The following SLC39A11 variants were observed in gnomAD, a reference collection of about 807,000 sequenced individuals.
SLC39A11 encodes the protein solute carrier family 39 member 11, also known as zinc transporter ZIP11.
A neutral mutation model predicts 36.1 loss-of-function variants in SLC39A11; 33 were observed. That is an observed-to-expected ratio of 0.91 (90% confidence interval 0.69 to 1.22). The LOEUF (loss-of-function observed/expected upper bound fraction) is 1.22. SLC39A11 is among the 50% of genes most tolerant of loss of function. SLC39A11 has a pLI of 0.00. For missense variants in SLC39A11, 432 were observed against 430.3 expected (o/e 1.00, Z -0.03); for synonymous variants, 166 against 170.3 (o/e 0.97, Z 0.20).
intron 6 of SLC39A11, among the ~76,000 whole-genome samples, chr17:72,803,412 G>C (rs139083245): frequency 2.0e-3 from 307 of 152,360 alleles, no homozygotes; most frequent in African/African-American, 6.9e-3. Flanking sequence ...ATCTGCACGT[G>C]GTTCAAAGGC....
chr17:73,081,669 A>ATATGTATATATGTATG (rs1331925940), intron 3 of SLC39A11, among the ~76,000 whole-genome samples: 1 of 80,756 alleles, frequency 1.2e-5, no homozygotes, highest in African/African-American at 4.8e-5. Flanking sequence ...ACACACACAC[A>ATATGTATATATGTATG]CATATATATA....
At chr17:72,764,616 G>A (rs367902598) in intron 6 of SLC39A11, among the ~76,000 whole-genome samples, 34 of 152,202 alleles carry the variant, frequency 2.2e-4, no homozygotes, top group East Asian at 1.7e-3. Context: ...ACAGCCCACC[G>A]ATGGCTGTGG....
intron 5 of SLC39A11, among the ~76,000 whole-genome samples, chr17:72,854,459 T>C (rs1246123301): frequency 6.6e-6 from 1 of 152,122 alleles, no homozygotes; most frequent in Non-Finnish European, 1.5e-5. Flanking sequence ...AGAAATCTCG[T>C]ATCTATAATC....
In SLC39A11 at chr17:72,864,570, T is replaced by C. The variant is rs1323888302; in HGVS notation, c.431-14766A>G. ...CGATTCTGAACACCATAGATACACA[T>C]GGAAAACGTGTCTTGGGGTCGATCC... is the stretch of plus-strand genomic sequence containing the variant. On this transcript the variant is annotated intron_variant, in intron 5 of 9. Coordinates refer to ENST00000255559, the MANE Select transcript of SLC39A11 (RefSeq NM_139177.4). Among the ~76,000 whole-genome samples the C allele has an allele frequency of 2.0e-5, 3 of 152,248 alleles. No homozygotes were observed. The East Asian group carries it at 5.8e-4, about 29-fold the overall frequency.
intron 5 of SLC39A11, among the ~76,000 whole-genome samples, chr17:72,868,374 C>A (rs1241926284): frequency 6.6e-6 from 1 of 151,910 alleles, no homozygotes; most frequent in Non-Finnish European, 1.5e-5. Flanking sequence ...AATATTCAAA[C>A]CAGAGGAATG....
intron 7 of SLC39A11, among the ~76,000 whole-genome samples, chr17:72,731,845 G>C: frequency 6.6e-6 from 1 of 151,178 alleles, no homozygotes; most frequent in Non-Finnish European, 1.5e-5. Context: ...TCCTGCCTCA[G>C]CTCCTGAGTA....
intron 5 of SLC39A11, among the ~76,000 whole-genome samples, chr17:72,937,345 C>T (rs960167967): frequency 2.6e-5 from 4 of 152,182 alleles, no homozygotes; most frequent in Non-Finnish European, 5.9e-5. Context: ...ATCCCAGCTA[C>T]TCCGGAGACT....
At chr17:73,027,909 C>A (rs2058612925) in intron 4 of SLC39A11, among the ~76,000 whole-genome samples, 1 of 152,210 alleles carries the variant, frequency 6.6e-6, no homozygotes, top group Non-Finnish European at 1.5e-5. Context: ...ATAACACAGA[C>A]ACTGACCCAC....
chr17:72,863,043 T>G (rs779482685), intron 5 of SLC39A11, among the ~76,000 whole-genome samples: 2 of 152,174 alleles, frequency 1.3e-5, no homozygotes, highest in Non-Finnish European at 2.9e-5. Context: ...CAGGCAGGGC[T>G]TGGGAGTCTG....
chr17:73,021,331 A>T (rs945639499), intron 4 of SLC39A11, among the ~76,000 whole-genome samples: 1 of 150,442 alleles, frequency 6.6e-6, no homozygotes, highest in Non-Finnish European at 1.5e-5. Flanking sequence ...CAGTTCCCTT[A>T]CTCTTTCTTT....
intron 5 of SLC39A11, among the ~76,000 whole-genome samples, chr17:72,929,902 T>C (rs1354783657): frequency 2.6e-5 from 4 of 152,166 alleles, no homozygotes; most frequent in Non-Finnish European, 4.4e-5. Context: ...GGAAAGACAA[T>C]GTGTTTGTCT....
chr17:72,792,246 C>A (rs2076733253), intron 6 of SLC39A11, among the ~76,000 whole-genome samples: 1 of 152,238 alleles, frequency 6.6e-6, no homozygotes, highest in African/African-American at 2.4e-5. Context: ...CCAGAAGGGG[C>A]TGTGCAAGGC....
intron 5 of SLC39A11, among the ~76,000 whole-genome samples, chr17:72,855,939 T>A (rs2079621495): frequency 6.6e-6 from 1 of 152,094 alleles, no homozygotes; most frequent in Non-Finnish European, 1.5e-5. Flanking sequence ...ACTTATATTG[T>A]CCCTGCCTTC....
intron 7 of SLC39A11, among the ~76,000 whole-genome samples, chr17:72,726,816 A>G (rs9889940): frequency 0.05 from 7,684 of 152,254 alleles, 269 homozygotes; most frequent in African/African-American, 0.1. Context: ...AGGCAAACAT[A>G]TATCTTAAAA....
intron 3 of SLC39A11, among the ~76,000 whole-genome samples, chr17:73,081,782 G>A (rs2060545171): frequency 1.2e-5 from 1 of 83,218 alleles, no homozygotes; most frequent in Admixed American, 1.3e-4. Context: ...TATATATCAT[G>A]GACTACTACT....
intron 4 of SLC39A11, among the ~76,000 whole-genome samples, chr17:72,957,998 C>T (rs563372854): frequency 7.1e-4 from 108 of 152,200 alleles, no homozygotes; most frequent in Non-Finnish European, 1.2e-3. Flanking sequence ...GTCTCAACAT[C>T]ATCAACAACA....
intron 6 of SLC39A11, among the ~76,000 whole-genome samples, chr17:72,741,631 A>G (rs982588911): frequency 6.6e-6 from 1 of 152,166 alleles, no homozygotes; most frequent in South Asian, 2.1e-4. Context: ...CTAGAGGCCT[A>G]ATGTGGAGCA....
rs1491187910 is a variant in SLC39A11 at position 73,004,230 on chromosome 17, A to AG, written c.306+27325dup. 3.1e-3 allele frequency among the ~76,000 whole-genome samples: 359 copies of AG among 114,872 alleles called. 27 individuals are homozygous for AG. The highest frequency in any genetic ancestry group is 0.012 in the East Asian group (51 of 4,378). 75.4% of individuals were successfully genotyped at this position (114,872 alleles called of 152,430 possible). On this transcript the variant is annotated intron_variant, in intron 4 of 9. Transcript: ENST00000255559. ...AAGAAAGAAAGAAAGAAAGAAAGAA[A>AG]GAAAAGAAAGAAAGAGAAAAAGCAA...
chr17:73,015,623 G>A (rs555137493), intron 4 of SLC39A11, among the ~76,000 whole-genome samples: 40 of 152,016 alleles, frequency 2.6e-4, no homozygotes, highest in South Asian at 6.2e-4. Flanking sequence ...TTGCTCTGTC[G>A]CCCAGGCTGG....
Sources: allele counts gnomAD v4.1 joint callset (sites outside exome capture counted in the v4.1 genomes callset), GRCh38; gene constraint gnomAD v4.1.1; transcripts MANE v1.5; gene names NCBI Gene and HGNC (gene_info 2026-07-23, HGNC 2026-07-21).